The following RSPH10B variants were observed in gnomAD, a reference collection of about 807,000 sequenced individuals.
RSPH10B encodes radial spoke head 10 homolog B.
A neutral mutation model predicts 52.5 loss-of-function variants in RSPH10B; 7 were observed. The ratio of observed to expected loss-of-function variants is 0.13; its 90% CI spans 0.08 to 0.25. The LOEUF is 0.25. Ranked by LOEUF, RSPH10B falls within the 10% of genes least tolerant of loss-of-function variation. The probability of loss-of-function intolerance (pLI) is 1.00; values close to 1 mark genes in which losing one functional copy is unlikely to be tolerated. For synonymous variants in RSPH10B, 28 were observed against 193.2 expected (o/e 0.14, Z 7.09); for missense variants, 89 against 542.5 (o/e 0.16, Z 8.30).
exon 18 of RSPH10B, chr7:5,928,390 T>G: frequency 1.2e-6 from 2 of 1,612,752 alleles, no homozygotes. Flanking sequence ...GTCTCTCATA[T>G]TTCTCTGGAA....
chr7:5,954,987 C>CCAAAAAAAAAAAAAAAAAA (rs1780696380), intron 7 of RSPH10B, among the ~76,000 whole-genome samples: 1 of 15,780 alleles, frequency 6.3e-5, no homozygotes, highest in Non-Finnish European at 1.1e-4. Flanking sequence ...CCTGTAACTA[C>CCAAAAAAAAAAAAAAAAAA]TAAAAAAAAA....
chr7:5,968,569 C>T (rs1053268720), upstream of RSPH10B, among the ~76,000 whole-genome samples: 9 of 69,548 alleles, frequency 1.3e-4, no homozygotes, highest in African/African-American at 4.1e-4. Context: ...TGCGGTGGTG[C>T]GATCTTGGCT....
At chr7:5,960,644 C>T (rs1780894922) in intron 4 of RSPH10B, 47 bp downstream of exon 6, 2 of 113,294 alleles carry the variant, frequency 1.8e-5, no homozygotes, top group Non-Finnish European at 2.7e-5. Flanking sequence ...TCCGCCCACC[C>T]CCTTCACTCC....
chr7:5,961,074 C>T (rs866126340), intron 3 of RSPH10B, among the ~76,000 whole-genome samples: 11 of 92,110 alleles, frequency 1.2e-4, no homozygotes, highest in African/African-American at 1.8e-4. Flanking sequence ...GACCAGTGGG[C>T]GGAAGCTCAG....
intron 3 of RSPH10B, among the ~76,000 whole-genome samples, chr7:5,961,476 A>T (rs1583248542): frequency 1.0e-5 from 1 of 97,602 alleles, no homozygotes; most frequent in East Asian, 3.2e-4. Flanking sequence ...AGTAGCTGGG[A>T]TTACAGGCAC....
Position 5,955,109 on chromosome 7 carries a change from G to A in RSPH10B, c.957+896C>T, listed in dbSNP as rs551420109. 4.3e-3 allele frequency among the ~76,000 whole-genome samples: 598 copies of A among 140,184 alleles called. 16 individuals carry two copies. Among genetic ancestry groups the A allele is most frequent in the African/African-American group, 0.014 (539 of 38,970 alleles). 92.0% of individuals were successfully genotyped at this position (140,184 alleles called of 152,430 possible). On this transcript the variant is annotated intron_variant, in intron 7 of 18. Transcript: ENST00000337579. Reference sequence around the variant, plus strand: ...GCGCCCGGGAGGCAGAGGTTGCAGCGAGCCGAGATCATGCCACTGCACTCC... The same window carrying A: ...GCGCCCGGGAGGCAGAGGTTGCAGCAAGCCGAGATCATGCCACTGCACTCC...
intron 13 of RSPH10B, among the ~76,000 whole-genome samples, chr7:5,942,079 G>A (rs1214010014): frequency 4.0e-5 from 6 of 148,772 alleles, no homozygotes; most frequent in African/African-American, 1.2e-4. Flanking sequence ...ATTTTTAGTC[G>A]AAAGGGGGTT....
intron 11 of RSPH10B, among the ~76,000 whole-genome samples, chr7:5,944,389 T>C: frequency 6.7e-6 from 1 of 150,344 alleles, no homozygotes; most frequent in East Asian, 1.9e-4. Flanking sequence ...CAGAGCGAGA[T>C]TCCATCTCAA....
chr7:5,960,842 G>A lies in RSPH10B; in HGVS notation c.422C>T (p.Pro141Leu), dbSNP rs1273310527. 2.2e-5 allele frequency: 23 copies of A among 1,048,996 alleles called. 4 individuals are homozygous for A. The highest frequency in any genetic ancestry group is 3.2e-4 in the Middle Eastern group (1 of 3,086). 65.0% of individuals were successfully genotyped at this position (1,048,996 alleles called of 1,614,324 possible). Residue 141 changes from proline (P) to leucine (L), a missense_variant, in exon 4 of 19, where the codon CCG becomes CTG. Coordinates refer to ENST00000337579, the Ensembl canonical transcript of RSPH10B. ...CCACGTGTACACGCCGTGGTTCATC[G>A]GGACATTCTTCACAAAGTCGCCCTG...
intron 18 of RSPH10B, among the ~76,000 whole-genome samples, 186 bp from the exon 21 acceptor site, chr7:5,926,734 TTCTCA>T (rs1470701569): frequency 4.3e-5 from 6 of 139,928 alleles, no homozygotes; most frequent in East Asian, 2.1e-4. Context: ...CAAAATAAAC[TTCTCA>T]TCTATCTATG....
At chr7:5,928,260 C>G (rs775984129) in exon 18 of RSPH10B, 1 of 1,613,308 alleles carries the variant, frequency 6.2e-7, no homozygotes, top group Non-Finnish European at 8.5e-7. Flanking sequence ...CGTAACCTGT[C>G]TGCCCTTATT....
At chr7:5,930,418 T>TAC (rs1779710052) in intron 17 of RSPH10B, among the ~76,000 whole-genome samples, 1 of 2,998 alleles carries the variant, frequency 3.3e-4, no homozygotes, top group Non-Finnish European at 5.5e-4. Flanking sequence ...CTATTTCTGT[T>TAC]ACAGGAACTG....
chr7:5,931,815 ACAT>A (rs1208456626), intron 17 of RSPH10B, among the ~76,000 whole-genome samples: 1 of 151,194 alleles, frequency 6.6e-6, no homozygotes, highest in Non-Finnish European at 1.5e-5. Context: ...ACCCTGGCCA[ACAT>A]CATGAAACCC....
At chr7:5,943,260 C>T (rs1780301813) in intron 13 of RSPH10B, 64 bp downstream of exon 15, 22 of 1,552,850 alleles carry the variant, frequency 1.4e-5, no homozygotes, top group Non-Finnish European at 1.8e-5. Flanking sequence ...GAATATCCTG[C>T]CTTTCTTTAA....
chr7:5,967,050 AG>A lies in RSPH10B; in HGVS notation c.66del (p.Ser23LeufsTer4). 1.0e-6 allele frequency: 1 copy of A among 984,300 alleles called. No homozygotes were observed. The allele number at this position is 984,300 out of a possible 1,614,324, so 61.0% of individuals were successfully genotyped here. A position where few individuals can be genotyped will look rare whatever the true frequency, so the allele number is the denominator to read the frequency against. ...TGTTTGGAAAAGTCTAGATTATCAG[AG>A]AGAGATGAGGGAGAGCGGGCAGACT... On this transcript the variant is annotated frameshift_variant, in exon 1 of 19. Coordinates refer to ENST00000337579, the Ensembl canonical transcript of RSPH10B. LOFTEE classifies it high-confidence loss of function.
At chr7:5,960,489 C>G (rs546305708) in intron 4 of RSPH10B, among the ~76,000 whole-genome samples, 4,715 of 30,556 alleles carry the variant, frequency 0.15, 618 homozygotes, top group East Asian at 0.43. Context: ...GTGAATATGC[C>G]CTGGACAGCG....
chr7:5,928,149 A>T, intron 18 of RSPH10B, 47 bp downstream of exon 20: 1 of 1,603,572 alleles, frequency 6.2e-7, no homozygotes, highest in Non-Finnish European at 8.5e-7. Flanking sequence ...GGAAGACAGG[A>T]AGAGAGAGAG....
At chr7:5,942,267 T>G (rs942704052) in intron 13 of RSPH10B, among the ~76,000 whole-genome samples, 3 of 138,998 alleles carry the variant, frequency 2.2e-5, no homozygotes, top group African/African-American at 8.0e-5. Flanking sequence ...TTTTTTGTTT[T>G]TTGGGGGATT....
In RSPH10B at chr7:5,931,893, G is replaced by A; in HGVS notation, c.2233+889C>T. On this transcript the variant is annotated intron_variant, in intron 17 of 18. Coordinates refer to ENST00000337579, the Ensembl canonical transcript of RSPH10B. ...AATCCCAGCTACTAGGGAGGCTGAGGCAGGAGAATCACTTGAACCCAGGAG... is the reference window on the plus strand; with the variant it reads ...AATCCCAGCTACTAGGGAGGCTGAGACAGGAGAATCACTTGAACCCAGGAG... Among the ~76,000 whole-genome samples the A allele has an allele frequency of 1.3e-5, 2 of 151,118 alleles. 1 individual carries two copies.
Sources: allele counts gnomAD v4.1 joint callset (sites outside exome capture counted in the v4.1 genomes callset), GRCh38; gene constraint gnomAD v4.1.1; transcripts MANE v1.5; gene names NCBI Gene and HGNC (gene_info 2026-07-23, HGNC 2026-07-21).